Variants in NRXN3 observed in about 807,000 individuals in gnomAD.
The protein encoded by NRXN3 is neurexin III.
NRXN3 carries 32 observed loss-of-function variants against 137.6 expected under a neutral mutation model. The ratio of observed to expected loss-of-function variants is 0.23; its 90% CI spans 0.18 to 0.31. The LOEUF (loss-of-function observed/expected upper bound fraction) is 0.31, where lower values mean the gene tolerates loss of function less well. Ranked by LOEUF, NRXN3 falls within the 10% of genes least tolerant of loss-of-function variation. The probability of loss-of-function intolerance (pLI) is 1.00; values close to 1 mark genes in which losing one functional copy is unlikely to be tolerated. For missense variants in NRXN3, 1,574 were observed against 2,062.5 expected, an observed-to-expected ratio of 0.76 and a Z score of 4.59; for synonymous variants, 798 against 784.5, an observed-to-expected ratio of 1.02 and a Z score of -0.29.
chr14:78,214,539 G>A (rs1379953298), intron 1 of NRXN3, among the ~76,000 whole-genome samples: 2 of 152,156 alleles, frequency 1.3e-5, no homozygotes, highest in African/African-American at 2.4e-5. Flanking sequence ...CCTCCATGCC[G>A]GACACACTCG....
chr14:79,050,088 A>G (rs1415407600), intron 15 of NRXN3, among the ~76,000 whole-genome samples: 1 of 152,160 alleles, frequency 6.6e-6, no homozygotes, highest in Non-Finnish European at 1.5e-5. Context: ...ACCTTCTGCT[A>G]TGATTAGATT....
chr14:79,068,226 A>G (rs1237557367), intron 15 of NRXN3, among the ~76,000 whole-genome samples: 1 of 152,090 alleles, frequency 6.6e-6, no homozygotes, highest in Non-Finnish European at 1.5e-5. Context: ...TATACATTTT[A>G]TTTAATCACA....
chr14:79,421,408 C>A (rs1227610131), intron 15 of NRXN3, among the ~76,000 whole-genome samples: 1 of 152,142 alleles, frequency 6.6e-6, no homozygotes, highest in Non-Finnish European at 1.5e-5. Context: ...TTCCTTTAGG[C>A]TCAGACATTT....
At chr14:79,324,684 A>G (rs1313574423) in intron 15 of NRXN3, among the ~76,000 whole-genome samples, 1 of 152,220 alleles carries the variant, frequency 6.6e-6, no homozygotes. Flanking sequence ...GGTGGAGGGA[A>G]TAAAGTCAGA....
intron 15 of NRXN3, among the ~76,000 whole-genome samples, chr14:79,219,657 T>C (rs541266419): frequency 4.6e-5 from 7 of 152,270 alleles, no homozygotes; most frequent in Non-Finnish European, 8.8e-5. Flanking sequence ...CACATACCGG[T>C]TTGGGACTTC....
intron 19 of NRXN3, among the ~76,000 whole-genome samples, chr14:79,741,801 T>TACACACAC (rs34107894): frequency 2.7e-4 from 40 of 146,918 alleles, no homozygotes; most frequent in East Asian, 4.0e-4. Context: ...GTGTATACAT[T>TACACACAC]ACACACACAC....
intron 15 of NRXN3, among the ~76,000 whole-genome samples, chr14:79,094,979 A>AGAGCGTGT (rs553957969): frequency 8.6e-6 from 1 of 115,880 alleles, no homozygotes; most frequent in Non-Finnish European, 1.8e-5. Flanking sequence ...AGAGAGAGAG[A>AGAGCGTGT]GTGTGTGTGT....
chr14:79,789,431 G>A (rs566795990), intron 19 of NRXN3, among the ~76,000 whole-genome samples: 22 of 152,208 alleles, frequency 1.4e-4, no homozygotes, highest in African/African-American at 5.3e-4. Flanking sequence ...AAGAATTCAG[G>A]GTGAGTTCAC....
chr14:78,392,691 A>G (rs950037053), intron 4 of NRXN3, among the ~76,000 whole-genome samples: 2 of 152,188 alleles, frequency 1.3e-5, no homozygotes, highest in Admixed American at 1.3e-4. Context: ...AAAATGGTCA[A>G]TAAATGTTGG....
At chr14:79,850,444 G>A (rs2099389276) in intron 20 of NRXN3, among the ~76,000 whole-genome samples, 1 of 152,102 alleles carries the variant, frequency 6.6e-6, no homozygotes, top group Admixed American at 6.5e-5. Context: ...GTATGTCTTT[G>A]GGATTCTTGA....
intron 16 of NRXN3, among the ~76,000 whole-genome samples, chr14:79,490,101 A>G (rs532315768): frequency 2.0e-5 from 3 of 151,968 alleles, no homozygotes; most frequent in South Asian, 4.1e-4. Context: ...CAAGTGAGGT[A>G]CAAACTCAAT....
chr14:79,715,504 A>G (rs910759936), intron 19 of NRXN3, among the ~76,000 whole-genome samples: 1 of 152,154 alleles, frequency 6.6e-6, no homozygotes, highest in African/African-American at 2.4e-5. Flanking sequence ...TTTATTCACT[A>G]CCTAATGTGA....
intron 15 of NRXN3, among the ~76,000 whole-genome samples, chr14:79,300,649 G>A (rs561440840): frequency 2.6e-5 from 4 of 152,140 alleles, no homozygotes; most frequent in South Asian, 2.1e-4. Flanking sequence ...TATAACAGGA[G>A]CAGCAACTCT....
intron 17 of NRXN3, among the ~76,000 whole-genome samples, chr14:79,679,693 T>C (rs927563926): frequency 3.9e-5 from 6 of 152,074 alleles, no homozygotes; most frequent in Non-Finnish European, 7.4e-5. Context: ...TCTAATTTCA[T>C]AGGAAAAAAA....
intron 4 of NRXN3, among the ~76,000 whole-genome samples, chr14:78,310,923 A>G (rs548747636): frequency 6.6e-6 from 1 of 152,342 alleles, no homozygotes; most frequent in Non-Finnish European, 1.5e-5. Context: ...GCTAACATAC[A>G]TAAGCATTAG....
At chr14:78,228,161 T>C (rs984399580) in intron 1 of NRXN3, among the ~76,000 whole-genome samples, 51 of 149,410 alleles carry the variant, frequency 3.4e-4, no homozygotes, top group Middle Eastern at 3.4e-3. Context: ...TTCTTTCTTT[T>C]TTTTTTTTTT....
At chr14:78,805,939 T>G (rs937540247) in intron 9 of NRXN3, among the ~76,000 whole-genome samples, 1 of 152,018 alleles carries the variant, frequency 6.6e-6, no homozygotes, top group Non-Finnish European at 1.5e-5. Flanking sequence ...CACACACACA[T>G]ACACCTTGAG....
At chr14:78,351,124 G>A (rs888796315) in intron 4 of NRXN3, among the ~76,000 whole-genome samples, 3 of 152,094 alleles carry the variant, frequency 2.0e-5, no homozygotes, top group Non-Finnish European at 4.4e-5. Flanking sequence ...ACATTATATA[G>A]TACTCACAGA....
chr14:79,660,418 G>A (rs2098527827), intron 16 of NRXN3, among the ~76,000 whole-genome samples: 2 of 152,078 alleles, frequency 1.3e-5, no homozygotes, highest in Admixed American at 1.3e-4. Flanking sequence ...ACCTGGGAAA[G>A]GATCTCCACT....
Sources: allele counts gnomAD v4.1 joint callset (sites outside exome capture counted in the v4.1 genomes callset), GRCh38; gene constraint gnomAD v4.1.1; transcripts MANE v1.5; gene names NCBI Gene and HGNC (gene_info 2026-07-23, HGNC 2026-07-21).